The following ERAP1 variants were observed in gnomAD, a reference collection of about 807,000 sequenced individuals.
ERAP1 encodes adipocyte-derived leucine aminopeptidase.
In ERAP1, 86 loss-of-function variants were observed where a neutral mutation model predicts 103.7. The observed-to-expected ratio is 0.83, with a 90% CI of 0.70 to 0.99. The LOEUF (loss-of-function observed/expected upper bound fraction) is 0.99, where lower values mean the gene tolerates loss of function less well. ERAP1 is among the 50% of genes least tolerant of loss of function. ERAP1 has a pLI of 0.00. For missense variants in ERAP1, 1,009 were observed against 1,128.4 expected, an observed-to-expected ratio of 0.89 and a Z score of 1.52; for synonymous variants, 398 against 402.4, an observed-to-expected ratio of 0.99 and a Z score of 0.13.
the ERAP1 span, among the ~76,000 whole-genome samples, chr5:96,905,203 A>G: frequency 6.6e-6 from 1 of 152,220 alleles, no homozygotes; most frequent in Non-Finnish European, 1.5e-5. Flanking sequence ...CAACATAGAA[A>G]AGTACACTTC....
At chr5:96,881,314 G>A in the ERAP1 span, 1 of 424,720 alleles carries the variant, frequency 2.4e-6, no homozygotes, top group Non-Finnish European at 4.8e-6. Flanking sequence ...GGCCAGGCTA[G>A]TGGCAGTGCT....
At chr5:96,806,835 A>T (rs1778660698) in intron 1 of ERAP1, among the ~76,000 whole-genome samples, 1 of 140,834 alleles carries the variant, frequency 7.1e-6, no homozygotes. Flanking sequence ...AAATAATAAA[A>T]ATGCTGGATT....
the ERAP1 span, among the ~76,000 whole-genome samples, chr5:96,860,332 G>C: frequency 1.3e-5 from 2 of 152,186 alleles, no homozygotes; most frequent in Admixed American, 1.3e-4. Context: ...GGGATTACAA[G>C]TGTGAGCCAC....
At chr5:96,923,761 T>C in the ERAP1 span, among the ~76,000 whole-genome samples, 1 of 152,336 alleles carries the variant, frequency 6.6e-6, no homozygotes, top group Non-Finnish European at 1.5e-5. Context: ...CCTTTTCTTT[T>C]ATAATTTCAC....
At chr5:96,839,157 C>T in the ERAP1 span, among the ~76,000 whole-genome samples, 1 of 152,236 alleles carries the variant, frequency 6.6e-6, no homozygotes, top group Non-Finnish European at 1.5e-5. Context: ...AAACTCGAAG[C>T]TTCTGTGTCT....
At position 96,803,531 on chromosome 5, in the gene ERAP1, T is replaced by G. The variant is rs1778220152; in HGVS notation, c.396A>C (p.Ala132=). The change falls in exon 2 of 19, where the codon GCA becomes GCC. Residue 132 remains alanine (A), a synonymous_variant. Transcript: ENST00000443439. ...VLEHPRQEQI[A]LLAPEPLLVG... The stretch of plus-strand genomic sequence containing the variant: ...CAAGGAGGGGCTCGGGAGCCAGCAG[T>G]GCAATTTGCTCCTGACGGGGGTGTT... 2 of 1,613,626 alleles carry G rather than the reference T, an allele frequency of 1.2e-6. No individual in the cohort carries two copies. Among genetic ancestry groups the G allele is most frequent in the Non-Finnish European group, 1.7e-6 (2 of 1,179,572 alleles).
At chr5:96,885,136 A>C in the ERAP1 span, among the ~76,000 whole-genome samples, 1 of 152,150 alleles carries the variant, frequency 6.6e-6, no homozygotes, top group Non-Finnish European at 1.5e-5. Flanking sequence ...TTGCCTCCGA[A>C]CCATCTCTGC....
chr5:96,767,665 A>G (rs897790628), intron 19 of ERAP1, among the ~76,000 whole-genome samples: 3 of 152,182 alleles, frequency 2.0e-5, no homozygotes, highest in Admixed American at 2.0e-4. Flanking sequence ...AAAGCCCTTT[A>G]GGGTGGAAAA....
At chr5:96,917,626 G>T in the ERAP1 span, 1 of 1,602,514 alleles carries the variant, frequency 6.2e-7, no homozygotes, top group Non-Finnish European at 8.5e-7. Flanking sequence ...GAAAAAGTAG[G>T]CTGGGCGCGG....
At chr5:96,801,854 C>CAAAAAAAA (rs59332218) in intron 2 of ERAP1, among the ~76,000 whole-genome samples, 21 of 54,688 alleles carry the variant, frequency 3.8e-4, no homozygotes, top group African/African-American at 9.3e-4. Context: ...TCCGTCTCGA[C>CAAAAAAAA]AAAAAAAAAA....
At chr5:96,874,085 A>G in the ERAP1 span, among the ~76,000 whole-genome samples, 1 of 151,292 alleles carries the variant, frequency 6.6e-6, no homozygotes, top group Non-Finnish European at 1.5e-5. Flanking sequence ...TCCCAAAGAA[A>G]AGAGAAGAGA....
chr5:96,786,033 A>C, intron 12 of ERAP1, 62 bp from the exon 13 acceptor site: 127 of 1,514,872 alleles, frequency 8.4e-5, no homozygotes, highest in Non-Finnish European at 1.0e-4. Context: ...AGCTTTTCTC[A>C]TCCAAGATTG....
intron 18 of ERAP1, chr5:96,779,459 T>C (rs913353982): frequency 2.0e-5 from 3 of 152,326 alleles, no homozygotes; most frequent in Admixed American, 1.3e-4. Context: ...CAAGCCTGGA[T>C]GAGGCTACTG....
intron 11 of ERAP1, among the ~76,000 whole-genome samples, chr5:96,788,085 C>A (rs745961115): frequency 1.8e-4 from 28 of 152,058 alleles, no homozygotes; most frequent in Non-Finnish European, 2.9e-4. Flanking sequence ...TAATAATATT[C>A]TTCTATAGCA....
the ERAP1 span, among the ~76,000 whole-genome samples, chr5:96,906,451 A>C: frequency 1.3e-5 from 2 of 152,092 alleles, no homozygotes; most frequent in Admixed American, 1.3e-4. Context: ...ATTTTTTGGC[A>C]GAGATGGCGT....
Position 96,763,143 on chromosome 5 carries a change from C to T in ERAP1, c.*57G>A, listed in dbSNP as rs898155816. On this transcript the variant is annotated 3_prime_UTR_variant, in exon 20 of 20. Transcript: ENST00000296754. ...AGCGAAGTCAGCTATGCTTCCATTC[C>T]GTTTGATGTAGCATCAAAGCATATT... The T allele has an allele frequency of 1.8e-5, 14 of 780,092 alleles. No homozygotes were observed. In the Middle Eastern group the frequency reaches 6.7e-4, roughly 38 times the overall value. The allele number at this position is 780,092 out of a possible 1,614,324, so 48.3% of individuals were successfully genotyped here.
chr5:96,877,280 T>C, the ERAP1 span, among the ~76,000 whole-genome samples: 1 of 152,190 alleles, frequency 6.6e-6, no homozygotes, highest in Admixed American at 6.5e-5. Flanking sequence ...CGGTCCTGTT[T>C]CTTTATCTGA....
chr5:96,794,239 T>C (rs1777087608), intron 5 of ERAP1, among the ~76,000 whole-genome samples: 1 of 137,766 alleles, frequency 7.3e-6, no homozygotes, highest in Non-Finnish European at 1.5e-5. Context: ...CTGGAGTGCA[T>C]TTGCAGTGGT....
the ERAP1 span, among the ~76,000 whole-genome samples, chr5:96,872,970 A>G: frequency 0.15 from 23,444 of 152,148 alleles, 2,297 homozygotes; most frequent in Middle Eastern, 0.32. Flanking sequence ...TGGGTGGATC[A>G]CCTGAGGTTA....
Sources: allele counts gnomAD v4.1 joint callset (sites outside exome capture counted in the v4.1 genomes callset), GRCh38; gene constraint gnomAD v4.1.1; transcripts MANE v1.5; gene names NCBI Gene and HGNC (gene_info 2026-07-23, HGNC 2026-07-21).